Variants in SIRT3 observed in about 807,000 individuals in gnomAD.
SIRT3 encodes the protein sirtuin 3, also known as NAD-dependent protein deacetylase sirtuin-3, mitochondrial.
Under a neutral mutation model 33.5 loss-of-function variants are expected in SIRT3, and 26 were observed. That is an observed-to-expected ratio of 0.78 (90% confidence interval 0.57 to 1.08). The LOEUF (loss-of-function observed/expected upper bound fraction) is 1.08, where lower values mean the gene tolerates loss of function less well. Ranked by LOEUF, SIRT3 falls within the 50% of genes least tolerant of loss-of-function variation. The pLI is 0.00. For missense variants in SIRT3, 585 were observed against 530.1 expected (o/e 1.10, Z -1.02); for synonymous variants, 237 against 222.1 (o/e 1.07, Z -0.60).
At chr11:236,428 T>C (rs1388854833), upstream of SIRT3, 1 of 703,922 alleles carries the variant, frequency 1.4e-6, no homozygotes, top group Non-Finnish European at 1.7e-6. Context: ...CAGCCCCGCC[T>C]CCGCCTACCG....
At chr11:219,150 G>C in intron 5 of SIRT3, 109 bp from the exon 6 acceptor site, 2 of 1,369,594 alleles carry the variant, frequency 1.5e-6, no homozygotes, top group Non-Finnish European at 2.0e-6. Flanking sequence ...TTGGCAGTCA[G>C]AGCCTGCGAT....
At chr11:236,823 G>C, upstream of SIRT3, 1 of 578,174 alleles carries the variant, frequency 1.7e-6, no homozygotes, top group Non-Finnish European at 3.1e-6. Context: ...CGCCTCAATG[G>C]CACAGCCAAG....
intron 5 of SIRT3, among the ~76,000 whole-genome samples, chr11:219,491 G>A (rs1046625818): frequency 2.0e-5 from 3 of 152,162 alleles, no homozygotes; most frequent in Admixed American, 6.6e-5. Flanking sequence ...AGACGAGCTG[G>A]TGCCCCCGAG....
chr11:232,909 A>G, intron 3 of SIRT3, 74 bp downstream of exon 3: 1 of 1,433,446 alleles, frequency 7.0e-7, no homozygotes, highest in Non-Finnish European at 9.7e-7. Flanking sequence ...CAGGCACCCG[A>G]GCCTCCCTGG....
chr11:235,995 G>A, intron 1 of SIRT3, 53 bp downstream of exon 1: 1 of 1,410,130 alleles, frequency 7.1e-7, no homozygotes, highest in African/African-American at 1.5e-5. Context: ...AGAAAGAGTG[G>A]GCGAGGTGTC....
chr11:234,956 C>A (rs1858738994), intron 1 of SIRT3, among the ~76,000 whole-genome samples: 1 of 151,842 alleles, frequency 6.6e-6, no homozygotes, highest in South Asian at 2.1e-4. Context: ...CGGCTCACTG[C>A]AACCTCTGCC....
intron 6 of SIRT3, among the ~76,000 whole-genome samples, chr11:217,287 T>A (rs1004970954): frequency 1.3e-5 from 2 of 152,110 alleles, no homozygotes; most frequent in African/African-American, 2.4e-5. Flanking sequence ...CCATCTCTAA[T>A]AAAAGTACAG....
chr11:230,432 C>A lies in SIRT3; in HGVS notation c.807+20G>T, dbSNP rs199667841. 5.7e-5 allele frequency: 79 copies of A among 1,392,024 alleles called. No individual in the cohort carries two copies. Among genetic ancestry groups the A allele is most frequent in the Non-Finnish European group, 7.1e-5 (75 of 1,056,840 alleles). The allele number at this position is 1,392,024 out of a possible 1,614,324, so 86.2% of individuals were successfully genotyped here. A position where few individuals can be genotyped will look rare whatever the true frequency, so the allele number is the denominator to read the frequency against. On this transcript the variant is annotated intron_variant, in intron 4 of 6. Transcript: ENST00000382743. ...CCAACAGCAAACTGCAGAAGGACAA[C>A]CAACAGCAGGATAACTCACCCGAAT...
At position 223,520 on chromosome 11, in the gene SIRT3, C is replaced by CA. The variant is rs1029083241; in HGVS notation, c.969+557_969+558insT. On this transcript the variant is annotated intron_variant, in intron 5 of 6. Transcript: ENST00000382743. The surrounding 1 kb of genome is among the most constrained non-coding windows in gnomAD (Gnocchi z 4.8). ...CTGACCCCAAGGGTGCAGCTACGTCCCCGGGCCAGTCCCTGTGGATTTATC... is the reference window on the plus strand; with the variant it reads ...CTGACCCCAAGGGTGCAGCTACGTCCACCGGGCCAGTCCCTGTGGATTTATC... The CA allele has an allele frequency of 2.3e-5, 8 of 353,978 alleles. No homozygotes were observed. The highest frequency in any genetic ancestry group is 1.5e-4 in the African/African-American group (7 of 46,758). The allele number at this position is 353,978 out of a possible 1,614,324, so 21.9% of individuals were successfully genotyped here. A position where few individuals can be genotyped will look rare whatever the true frequency, so the allele number is the denominator to read the frequency against.
At chr11:217,100 A>G (rs1677196911) in intron 6 of SIRT3, among the ~76,000 whole-genome samples, 2 of 152,274 alleles carry the variant, frequency 1.3e-5, no homozygotes, top group African/African-American at 2.4e-5. Flanking sequence ...AATCCTATTA[A>G]GCCACTTCCA....
rs565424365 is a variant in SIRT3, at chr11:215,873, C to T, written c.*825G>A. ...TCAGAGATTAGCTCTAACAGTGTCA[C>T]TAGAGGAAGCCCTGGCGAGGGTGGG... On this transcript the variant is annotated 3_prime_UTR_variant, in exon 7 of 7. Transcript: ENST00000382743. 1 of 152,200 alleles carries T rather than the reference C, an allele frequency of 6.6e-6. No individual in the cohort carries two copies. The highest frequency in any genetic ancestry group is 2.4e-5 in the African/African-American group (1 of 41,492). The allele number at this position is 152,200 out of a possible 1,614,324, so 9.4% of individuals were successfully genotyped here.
chr11:233,489 T>C lies in SIRT3; in HGVS notation c.327A>G (p.Ser109=), dbSNP rs1638764054. The change falls in exon 2 of 7, where the codon TCA becomes TCG. Residue 109 remains serine, a synonymous_variant. Transcript: ENST00000382743. ...TGCTGCCTCCACTTCCAACAACACT[T>C]GAAGCACCCACAGAAAAAGATATGG... ...RRSISFSVGA[S]SVVGSGGSSD... is the part of the protein sequence containing the mutation. 6.2e-7 allele frequency: 1 copy of C among 1,613,844 alleles called. No individual in the cohort carries two copies. The highest frequency in any genetic ancestry group is 1.7e-5 in the Admixed American group (1 of 59,980).
chr11:236,302 C>CG lies in SIRT3; in HGVS notation c.26dup (p.Ala10GlyfsTer11). ...CCCGGCCCCACAGCCGGAGGGCTGC[C>CG]GCGGCGCGCCAACCCCAGAACGCCA... On this transcript the variant is annotated frameshift_variant, in exon 1 of 7. Transcript: ENST00000382743. LOFTEE classifies it high-confidence loss of function. 6.6e-7 allele frequency: 1 copy of CG among 1,523,432 alleles called. No individual in the cohort carries two copies. The highest frequency in any genetic ancestry group is 8.8e-7 in the Non-Finnish European group (1 of 1,142,414). The allele number at this position is 1,523,432 out of a possible 1,614,324, so 94.4% of individuals were successfully genotyped here. A position where few individuals can be genotyped will look rare whatever the true frequency, so the allele number is the denominator to read the frequency against.
intron 4 of SIRT3, among the ~76,000 whole-genome samples, chr11:225,015 A>G (rs1036605238): frequency 6.6e-6 from 1 of 152,102 alleles, no homozygotes; most frequent in Non-Finnish European, 1.5e-5. Flanking sequence ...GATACACAGT[A>G]AAACTGTATT....
At chr11:219,393 A>G (rs1304624260) in intron 5 of SIRT3, among the ~76,000 whole-genome samples, 7 of 152,170 alleles carry the variant, frequency 4.6e-5, no homozygotes, top group Non-Finnish European at 8.8e-5. Flanking sequence ...GTCTCCCAGC[A>G]TGACGCAGAG....
chr11:230,591 C>T (rs370286839), intron 3 of SIRT3, 39 bp from the exon 4 acceptor site: 6 of 1,407,928 alleles, frequency 4.3e-6, no homozygotes, highest in Middle Eastern at 1.9e-4. Flanking sequence ...CTGCCGCCTC[C>T]GAGATGAGCA....
At chr11:232,906 C>T in intron 3 of SIRT3, 77 bp downstream of exon 3, 1 of 1,414,366 alleles carries the variant, frequency 7.1e-7, no homozygotes. Context: ...AAACAGGCAC[C>T]CGAGCCTCCC....
chr11:220,608 T>C (rs1216617194), intron 5 of SIRT3, among the ~76,000 whole-genome samples: 1 of 152,242 alleles, frequency 6.6e-6, no homozygotes. Context: ...TGTGTGATTT[T>C]GGTTTTGGTG....
intron 6 of SIRT3, among the ~76,000 whole-genome samples, chr11:217,796 T>G (rs147632633): frequency 6.6e-6 from 1 of 152,344 alleles, no homozygotes; most frequent in Non-Finnish European, 1.5e-5. Flanking sequence ...CTGTGATATA[T>G]TGTAGTTGAT....
Sources: gnomAD v4.1 joint callset for allele counts (sites outside exome capture counted in the v4.1 genomes callset) on GRCh38, gnomAD v4.1.1 for gene constraint, Gnocchi (gnomAD v3.1) non-coding constraint, MANE v1.5 for transcripts, NCBI Gene and HGNC (gene_info 2026-07-23, HGNC 2026-07-21) for gene names.